CSNK1G3: variants seen among roughly 807,000 people sequenced by gnomAD.
The protein encoded by CSNK1G3 is casein kinase I isoform gamma-3.
Under a neutral mutation model 64.3 loss-of-function variants are expected in CSNK1G3, and 23 were observed. That is an observed-to-expected ratio of 0.36 (90% CI 0.26 to 0.51). The LOEUF (loss-of-function observed/expected upper bound fraction) is 0.51. CSNK1G3 is among the 20% of genes least tolerant of loss of function. CSNK1G3 has a pLI of 0.96. For synonymous variants in CSNK1G3, 158 were observed against 162.2 expected, an observed-to-expected ratio of 0.97 and a Z score of 0.20; for missense variants, 357 against 510.5, an observed-to-expected ratio of 0.70 and a Z score of 2.90.
chr5:123,567,788 G>A (rs1205039858), intron 4 of CSNK1G3, among the ~76,000 whole-genome samples: 1 of 152,206 alleles, frequency 6.6e-6, no homozygotes, highest in Non-Finnish European at 1.5e-5. Context: ...AATTGCAGTT[G>A]TGGGCTGTGA....
intron 1 of CSNK1G3, among the ~76,000 whole-genome samples, chr5:123,514,455 C>T (rs1264114202): frequency 6.6e-6 from 1 of 152,182 alleles, no homozygotes; most frequent in Non-Finnish European, 1.5e-5. Flanking sequence ...ACCAGGACCA[C>T]CTTTACTCTG....
intron 4 of CSNK1G3, among the ~76,000 whole-genome samples, chr5:123,573,022 G>A (rs1039271774): frequency 5.3e-5 from 8 of 152,196 alleles, no homozygotes; most frequent in African/African-American, 9.7e-5. Context: ...ATTAAAGCCA[G>A]TAGTGACTCT....
chr5:123,526,264 C>A (rs1215271185), intron 1 of CSNK1G3, among the ~76,000 whole-genome samples: 1 of 151,850 alleles, frequency 6.6e-6, no homozygotes, highest in Non-Finnish European at 1.5e-5. Flanking sequence ...TGGTATATTG[C>A]CCAGGCTGGT....
rs1389938923 is a variant in CSNK1G3, at chr5:123,548,531, A to G, written c.178+2690A>G. Reference sequence around the variant, plus strand: ...ACATTTGAAATAATAATTTTAAATTATATTTATTTATTTGCTTTCAAATTT... The same window carrying G: ...ACATTTGAAATAATAATTTTAAATTGTATTTATTTATTTGCTTTCAAATTT... On this transcript the variant is annotated intron_variant, in intron 2 of 12. Transcript: ENST00000345990. Among the ~76,000 whole-genome samples, 4 of 151,302 alleles carry G rather than the reference A, an allele frequency of 2.6e-5. No individual in the cohort carries two copies. In the East Asian group the frequency reaches 7.7e-4, roughly 29 times the overall value.
chr5:123,551,587 A>G (rs1297984342), intron 2 of CSNK1G3, among the ~76,000 whole-genome samples: 1 of 152,166 alleles, frequency 6.6e-6, no homozygotes, highest in Non-Finnish European at 1.5e-5. Flanking sequence ...GTATTATAAT[A>G]TTTGTATAAA....
chr5:123,541,813 G>T (rs1781721522), intron 1 of CSNK1G3, among the ~76,000 whole-genome samples: 1 of 151,566 alleles, frequency 6.6e-6, no homozygotes, highest in Non-Finnish European at 1.5e-5. Flanking sequence ...TTCTTTTTGG[G>T]GGAAAATCTG....
At chr5:123,539,337 C>T (rs962599518) in intron 1 of CSNK1G3, among the ~76,000 whole-genome samples, 1 of 150,534 alleles carries the variant, frequency 6.6e-6, no homozygotes, top group African/African-American at 2.5e-5. Flanking sequence ...CTCAGCTACT[C>T]GGGAGGCTGG....
chr5:123,573,624 G>A lies in CSNK1G3; in HGVS notation c.438+83G>A, dbSNP rs1317759042. 9 of 1,266,982 alleles carry A rather than the reference G, an allele frequency of 7.1e-6. No homozygotes were observed. In the Admixed American group the frequency reaches 2.2e-4, roughly 30 times the overall value. 78.5% of individuals were successfully genotyped at this position (1,266,982 alleles called of 1,614,324 possible). On this transcript the variant is annotated intron_variant, in intron 5 of 12. Transcript: ENST00000345990. ...ATTCATATTAAAAGTTTAAAGTTCT[G>A]TGATATTGTCTTACAGAGCGTTTGA...
In CSNK1G3 at chr5:123,606,260, A is replaced by G. The variant is rs185919301; in HGVS notation, c.1217+898A>G. 1.4e-3 allele frequency among the ~76,000 whole-genome samples: 212 copies of G among 152,226 alleles called. 2 individuals are homozygous for G. The highest frequency in any genetic ancestry group is 4.9e-3 in the African/African-American group (204 of 41,558). On this transcript the variant is annotated intron_variant, in intron 12 of 12. Transcript: ENST00000345990. ...AGTGTATGTCAGGATATAATTAGCT[A>G]TATACTTGTATATTTTTATGAACTA...
chr5:123,512,743 A>G (rs575686102), intron 1 of CSNK1G3, among the ~76,000 whole-genome samples, 173 bp downstream of exon 1: 1 of 148,592 alleles, frequency 6.7e-6, no homozygotes, highest in African/African-American at 2.5e-5. Flanking sequence ...GGCGAGGACC[A>G]TGGCGGGTGG....
chr5:123,601,130 T>C (rs565991474), intron 10 of CSNK1G3, among the ~76,000 whole-genome samples: 3 of 152,298 alleles, frequency 2.0e-5, no homozygotes, highest in East Asian at 3.9e-4. Context: ...CAAGTTATAA[T>C]TCTAGAAATG....
chr5:123,559,713 T>G (rs1230806501), intron 4 of CSNK1G3, among the ~76,000 whole-genome samples: 1 of 151,764 alleles, frequency 6.6e-6, no homozygotes, highest in African/African-American at 2.4e-5. Context: ...TTTTTTTTTT[T>G]TTTTTGGTCA....
intron 1 of CSNK1G3, among the ~76,000 whole-genome samples, chr5:123,521,469 A>G (rs1167284341): frequency 2.0e-5 from 3 of 152,206 alleles, no homozygotes; most frequent in South Asian, 2.1e-4. Context: ...TCTGATATCT[A>G]TTGAAAGTCG....
intron 1 of CSNK1G3, among the ~76,000 whole-genome samples, chr5:123,544,352 G>A (rs1282862665): frequency 6.6e-6 from 1 of 152,018 alleles, no homozygotes; most frequent in Non-Finnish European, 1.5e-5. Flanking sequence ...TACACCACCG[G>A]CCCCAGTTAG....
chr5:123,529,028 A>G (rs920944525), intron 1 of CSNK1G3, among the ~76,000 whole-genome samples: 30 of 152,128 alleles, frequency 2.0e-4, no homozygotes, highest in African/African-American at 7.2e-4. Context: ...TGGTGATTTC[A>G]CTGTTTAAAA....
intron 1 of CSNK1G3, among the ~76,000 whole-genome samples, chr5:123,517,142 C>G (rs1166019405): frequency 1.1e-4 from 16 of 152,254 alleles, no homozygotes; most frequent in Admixed American, 3.9e-4. Context: ...CTCGGGAACA[C>G]CCTATTACAG....
At chr5:123,549,570 A>G (rs1006996388) in intron 2 of CSNK1G3, among the ~76,000 whole-genome samples, 1 of 152,206 alleles carries the variant, frequency 6.6e-6, no homozygotes, top group Non-Finnish European at 1.5e-5. Flanking sequence ...GAATTATTCA[A>G]ACTAAGTAAT....
At chr5:123,573,280 G>T in intron 4 of CSNK1G3, 113 bp from the exon 5 acceptor site, 1 of 1,097,734 alleles carries the variant, frequency 9.1e-7, no homozygotes. Flanking sequence ...TGGAAAAAGT[G>T]ATAGTACTGC....
At chr5:123,586,286 A>G (rs922141956) in intron 6 of CSNK1G3, among the ~76,000 whole-genome samples, 1 of 152,152 alleles carries the variant, frequency 6.6e-6, no homozygotes, top group Admixed American at 6.5e-5. Context: ...AGTAATAGGC[A>G]AGAGACATTT....
Sources: gnomAD v4.1 joint callset for allele counts (sites outside exome capture counted in the v4.1 genomes callset) on GRCh38, gnomAD v4.1.1 for gene constraint, MANE v1.5 for transcripts, NCBI Gene and HGNC (gene_info 2026-07-23, HGNC 2026-07-21) for gene names.